The following ERAP1 variants were observed in gnomAD, a reference collection of about 807,000 sequenced individuals.
ERAP1 encodes endoplasmic reticulum aminopeptidase 1, also known as adipocyte-derived leucine aminopeptidase.
A neutral mutation model predicts 103.7 loss-of-function variants in ERAP1; 86 were observed. That is an observed-to-expected ratio of 0.83 (90% CI 0.70 to 0.99). ERAP1 has a LOEUF of 0.99. Among genes scored for constraint, ERAP1 ranks in the 50% least tolerant of loss-of-function variants. ERAP1 has a pLI of 0.00. For synonymous variants in ERAP1, 398 were observed against 402.4 expected (o/e 0.99, Z 0.13); for missense variants, 1,009 against 1,128.4 (o/e 0.89, Z 1.52).
At chr5:96,859,424 C>T in the ERAP1 span, among the ~76,000 whole-genome samples, 1 of 152,068 alleles carries the variant, frequency 6.6e-6, no homozygotes, top group Non-Finnish European at 1.5e-5. Context: ...CCTCAGGCTC[C>T]CAGACCGTTT....
the ERAP1 span, among the ~76,000 whole-genome samples, chr5:96,866,477 C>T: frequency 6.6e-6 from 1 of 152,218 alleles, no homozygotes; most frequent in African/African-American, 2.4e-5. Context: ...ATAATTATAA[C>T]CAACATTCAT....
the ERAP1 span, among the ~76,000 whole-genome samples, chr5:96,844,085 A>G: frequency 1.3e-5 from 2 of 152,262 alleles, no homozygotes; most frequent in Admixed American, 1.3e-4. Context: ...GGCGCCCTAC[A>G]AATAAACACC....
At chr5:96,842,343 G>C in the ERAP1 span, among the ~76,000 whole-genome samples, 3 of 152,126 alleles carry the variant, frequency 2.0e-5, no homozygotes, top group African/African-American at 4.8e-5. Context: ...TCTACTTTTA[G>C]TTCTTGAAGG....
the ERAP1 span, among the ~76,000 whole-genome samples, chr5:96,887,102 C>T: frequency 0.2 from 2,017 of 10,224 alleles, 20 homozygotes; most frequent in East Asian, 0.38. Context: ...TATATATATA[C>T]ACACACACAC....
chr5:96,895,389 T>C, the ERAP1 span: 4 of 1,372,738 alleles, frequency 2.9e-6, no homozygotes, highest in Non-Finnish European at 4.1e-6. Context: ...TATCATACTA[T>C]ATGGTGTAAA....
chr5:96,778,944 C>T (rs545589601), intron 18 of ERAP1, among the ~76,000 whole-genome samples: 129 of 152,300 alleles, frequency 8.5e-4, no homozygotes, highest in African/African-American at 2.9e-3. Context: ...GATAACATCT[C>T]GGGCTCTTTA....
In ERAP1 at chr5:96,776,428, A is replaced by G. The variant is rs1190611228; in HGVS notation, c.2794T>C (p.Trp932Arg). 6.2e-7 allele frequency: 1 copy of G among 1,613,380 alleles called. No individual in the cohort carries two copies. Among genetic ancestry groups the G allele is most frequent in the East Asian group, 2.2e-5 (1 of 44,888 alleles). The stretch of plus-strand genomic sequence containing the variant: ...CGTTCAAGCTTTTCACTTTGCAGCC[A>G]CACTCTGATTTTATCAAAATTCTTA... ...MDKNFDKIRVWLQSEKLERM is the reference protein window; with the variant it reads ...MDKNFDKIRVRLQSEKLERM The change falls in exon 19 of 19, where the codon TGG becomes CGG. Residue 932 changes from tryptophan (W) to arginine (R), a missense_variant. Around this residue, in one of 3 missense-constraint regions of ERAP1, gnomAD observed 611 missense variants for 651.7 expected, o/e 0.94. Transcript: ENST00000443439.
chr5:96,886,256 G>A, the ERAP1 span, among the ~76,000 whole-genome samples: 1 of 152,262 alleles, frequency 6.6e-6, no homozygotes, highest in East Asian at 1.9e-4. Flanking sequence ...CCACAGGGGT[G>A]TACTTCTTGT....
chr5:96,922,184 G>C, the ERAP1 span, among the ~76,000 whole-genome samples: 1 of 152,312 alleles, frequency 6.6e-6, no homozygotes, highest in African/African-American at 2.4e-5. Flanking sequence ...TGTAGTCCCA[G>C]CTACTCGGGA....
chr5:96,816,233 C>T, the ERAP1 span, among the ~76,000 whole-genome samples: 2 of 152,276 alleles, frequency 1.3e-5, no homozygotes, highest in South Asian at 4.1e-4. Context: ...CTATCTGAAT[C>T]GTTCCCTTGC....
intron 18 of ERAP1, among the ~76,000 whole-genome samples, chr5:96,777,747 G>T (rs1315480015): frequency 6.6e-6 from 1 of 152,106 alleles, no homozygotes; most frequent in Non-Finnish European, 1.5e-5. Flanking sequence ...AATCCTAAAG[G>T]AGCTCATCAT....
At chr5:96,894,445 T>G in the ERAP1 span, among the ~76,000 whole-genome samples, 2 of 152,198 alleles carry the variant, frequency 1.3e-5, no homozygotes, top group Non-Finnish European at 2.9e-5. Context: ...CTTCTGAATC[T>G]TAGAATCTTA....
intron 18 of ERAP1, among the ~76,000 whole-genome samples, chr5:96,777,320 T>C (rs1052166668): frequency 5.3e-5 from 8 of 152,236 alleles, no homozygotes; most frequent in African/African-American, 1.9e-4. Context: ...TTTCACAGCA[T>C]TAATCCATCA....
the ERAP1 span, among the ~76,000 whole-genome samples, chr5:96,845,800 ACT>A: frequency 1.3e-5 from 2 of 152,068 alleles, no homozygotes; most frequent in Non-Finnish European, 1.5e-5. Flanking sequence ...TAGCTCTAAC[ACT>A]CTGTGAATCT....
At chr5:96,892,526 G>A in the ERAP1 span, 1 of 1,554,746 alleles carries the variant, frequency 6.4e-7, no homozygotes, top group Middle Eastern at 1.7e-4. Context: ...CAATCTTCCT[G>A]AAACAAAATA....
chr5:96,793,748 T>C lies in ERAP1; in HGVS notation c.1074+55A>G, dbSNP rs1056321603. On this transcript the variant is annotated intron_variant, in intron 6 of 18. Coordinates refer to ENST00000443439, the MANE Select transcript of ERAP1 (RefSeq NM_001040458.3). ...TATATAAATAGCCTTATATGTCCCA[T>C]AGAAGCAATATAAATGTAGTTTATA... The C allele has an allele frequency of 5.4e-6, 8 of 1,476,836 alleles. No homozygotes were observed. The African/African-American group carries it at 5.7e-5, about 10-fold the overall frequency. 91.5% of individuals were successfully genotyped at this position (1,476,836 alleles called of 1,614,324 possible).
At chr5:96,851,981 GA>G in the ERAP1 span, among the ~76,000 whole-genome samples, 1 of 152,180 alleles carries the variant, frequency 6.6e-6, no homozygotes, top group Non-Finnish European at 1.5e-5. Flanking sequence ...TGACAGCTGA[GA>G]AGAGCAGCAA....
chr5:96,790,656 T>C lies in ERAP1; in HGVS notation c.1321-13A>G. On this transcript the variant is annotated splice_polypyrimidine_tract_variant and intron_variant, in intron 8 of 18. Coordinates refer to ENST00000443439, the MANE Select transcript of ERAP1 (RefSeq NM_001040458.3). ...GAATACAAGCTCCCTGAAAAGATAA[T>C]AGAAATAATTGTTATCTATAGTTTC... The C allele has an allele frequency of 6.3e-7, 1 of 1,598,990 alleles. No homozygotes were observed. Among genetic ancestry groups the C allele is most frequent in the Non-Finnish European group, 8.6e-7 (1 of 1,166,344 alleles).
the ERAP1 span, among the ~76,000 whole-genome samples, chr5:96,834,792 A>T: frequency 6.6e-6 from 1 of 152,206 alleles, no homozygotes; most frequent in Non-Finnish European, 1.5e-5. Context: ...CTAAATCATA[A>T]TTGCATGGTG....
Sources: gnomAD v4.1 joint callset for allele counts (sites outside exome capture counted in the v4.1 genomes callset) on GRCh38, gnomAD v4.1.1 for gene constraint, gnomAD v4.1.1 regional missense constraint, MANE v1.5 for transcripts, NCBI Gene and HGNC (gene_info 2026-07-23, HGNC 2026-07-21) for gene names.